ITPR1: variants seen among roughly 807,000 people sequenced by gnomAD.
ITPR1 encodes the protein inositol 1,4,5-trisphosphate-gated calcium channel ITPR1.
ITPR1 carries 96 observed loss-of-function variants against 318.4 expected under a neutral mutation model. The observed-to-expected ratio is 0.30, with a 90% CI of 0.26 to 0.36. The LOEUF is 0.36. Ranked by LOEUF, ITPR1 falls within the 10% of genes least tolerant of loss-of-function variation. The pLI, the probability that ITPR1 is intolerant of heterozygous loss-of-function variation, is 1.00. For synonymous variants in ITPR1, 1,312 were observed against 1,289.9 expected (o/e 1.02, Z -0.37); for missense variants, 2,440 against 3,460.2 (o/e 0.71, Z 7.40).
At chr3:4,525,254 A>G (rs925348141) in intron 4 of ITPR1, among the ~76,000 whole-genome samples, 8 of 152,176 alleles carry the variant, frequency 5.3e-5, no homozygotes, top group African/African-American at 1.7e-4. Context: ...TTCCATCCTT[A>G]TCAAGATAAT....
intron 4 of ITPR1, among the ~76,000 whole-genome samples, chr3:4,618,671 A>C (rs1363260992): frequency 6.6e-6 from 1 of 152,034 alleles, no homozygotes; most frequent in East Asian, 1.9e-4. Context: ...CATGTTTTCC[A>C]TGTGCCGGAT....
chr3:4,686,486 C>T (rs2094396959), intron 30 of ITPR1, among the ~76,000 whole-genome samples: 2 of 152,290 alleles, frequency 1.3e-5, no homozygotes, highest in South Asian at 4.1e-4. Flanking sequence ...GCGAGGGGGT[C>T]ATTTGCTAAC....
chr3:4,750,014 T>C (rs1397705542), intron 44 of ITPR1: 1 of 152,678 alleles, frequency 6.5e-6, no homozygotes, highest in Admixed American at 6.5e-5. Context: ...ATCGTGCCTG[T>C]TAAGGAACAA....
At chr3:4,678,890 G>A (rs1242850593) in intron 24 of ITPR1, among the ~76,000 whole-genome samples, 1 of 152,134 alleles carries the variant, frequency 6.6e-6, no homozygotes, top group Non-Finnish European at 1.5e-5. Context: ...AGTTTGGAAA[G>A]GAGGACCAAG....
rs145319823 is a variant in ITPR1, at chr3:4,672,534, A to T, written c.2205-602A>T. Among the ~76,000 whole-genome samples, 1,177 of 152,340 alleles carry T rather than the reference A, an allele frequency of 7.7e-3. 15 individuals are homozygous for T. Among genetic ancestry groups the T allele is most frequent in the African/African-American group, 0.027 (1,103 of 41,568 alleles). On this transcript the variant is annotated intron_variant, in intron 20 of 61. Transcript: ENST00000649015. The stretch of plus-strand genomic sequence containing the variant: ...TTCAGTGTTTGATGAATCTTCTCCC[A>T]AGTGAATGAGAAAGAGTGCCTTAAT...
chr3:4,678,689 G>A (rs1384443492), intron 24 of ITPR1, among the ~76,000 whole-genome samples: 1 of 152,204 alleles, frequency 6.6e-6, no homozygotes, highest in Non-Finnish European at 1.5e-5. Flanking sequence ...GTAAAGATCA[G>A]AGAAGGGTTG....
chr3:4,600,194 G>A (rs1252123391), intron 4 of ITPR1, among the ~76,000 whole-genome samples: 2 of 152,086 alleles, frequency 1.3e-5, no homozygotes, highest in African/African-American at 2.4e-5. Context: ...TACCTCTGTG[G>A]CATTGTTTCA....
At chr3:4,730,234 A>C (rs1234396997) in intron 42 of ITPR1, among the ~76,000 whole-genome samples, 1 of 150,396 alleles carries the variant, frequency 6.6e-6, no homozygotes, top group Non-Finnish European at 1.5e-5. Flanking sequence ...AAAAAAACAA[A>C]AAAAAACCTT....
intron 42 of ITPR1, among the ~76,000 whole-genome samples, chr3:4,732,207 A>G (rs1361153688): frequency 6.6e-6 from 1 of 152,174 alleles, no homozygotes; most frequent in Admixed American, 6.5e-5. Context: ...ATTACTGAAC[A>G]ATGGAGGTTT....
chr3:4,495,354 C>T lies in ITPR1; in HGVS notation c.-17+848C>T, dbSNP rs555777690. On this transcript the variant is annotated intron_variant, in intron 2 of 61. Coordinates refer to ENST00000649015, the MANE Select transcript of ITPR1 (RefSeq NM_001378452.1). ...TAACATTCTAAATATTTAGCTGTTC[C>T]CTGGGCTACAATCTTTGGGCTTTTC... 3.9e-5 allele frequency among the ~76,000 whole-genome samples: 6 copies of T among 152,152 alleles called. No homozygotes were observed. In the South Asian group the frequency reaches 1.0e-3, roughly 26 times the overall value.
At position 4,710,405 on chromosome 3, in the gene ITPR1, A is replaced by G. The variant is rs2041264646; in HGVS notation, c.4923A>G (p.Arg1641=). 1.3e-6 allele frequency: 2 copies of G among 1,558,788 alleles called. No individual in the cohort carries two copies. The highest frequency in any genetic ancestry group is 1.7e-6 in the Non-Finnish European group (2 of 1,150,510). Residue 1641 remains arginine (R), a synonymous_variant, in exon 38 of 62, where the codon AGA becomes AGG. Transcript: ENST00000649015. The surrounding 1 kb of genome is among the most constrained non-coding windows in gnomAD (Gnocchi z 4.2). ...CTGTGCTCGTGGATGTTCTCCACAG[A>G]CCCGAGCTGCTTTTCCCAGAGAACA... is the stretch of plus-strand genomic sequence containing the variant. ...ELSVLVDVLH[R]PELLFPENTD...
At chr3:4,579,982 G>A (rs546543163) in intron 4 of ITPR1, among the ~76,000 whole-genome samples, 1 of 152,258 alleles carries the variant, frequency 6.6e-6, no homozygotes, top group East Asian at 1.9e-4. Context: ...AGGCCGAGAC[G>A]GGTGGATCAC....
chr3:4,662,194 C>T lies in ITPR1; in HGVS notation c.1364C>T (p.Ser455Phe). 1 of 1,612,028 alleles carries T rather than the reference C, an allele frequency of 6.2e-7. No homozygotes were observed. Among genetic ancestry groups the T allele is most frequent in the Non-Finnish European group, 8.5e-7 (1 of 1,178,774 alleles). ...FANDASKVLG[S>F]IAGKLEKGTI... ...AATGATGCCAGCAAGGTGCTGGGCT[C>T]CATTGCTGGGAAGCTAGAGAAGGGC... Residue 455 changes from serine (S) to phenylalanine (F), a missense_variant, in exon 15 of 62, where the codon TCC becomes TTC. Physicochemically the swap from Ser to Phe is radical, Grantham distance 155. This residue lies in a region of ITPR1 where 478 missense variants were observed against 696.3 expected (regional missense o/e 0.69). Transcript: ENST00000649015.
intron 2 of ITPR1, among the ~76,000 whole-genome samples, chr3:4,504,909 C>T (rs931687898): frequency 1.3e-5 from 2 of 151,966 alleles, no homozygotes; most frequent in South Asian, 2.1e-4. Flanking sequence ...TCCTTGGCCT[C>T]TTGCCAGGAG....
rs777341213 is a variant in ITPR1 at position 4,691,356 on chromosome 3, A to T, written c.4029+12A>T. On this transcript the variant is annotated intron_variant, in intron 32 of 61. Coordinates refer to ENST00000649015, the MANE Select transcript of ITPR1 (RefSeq NM_001378452.1). ...TGGTTATGGCCGAGGTGATTGTTAT[A>T]TATTTCTGTATACCTCCATCTGGTG... The T allele has an allele frequency of 6.5e-7, 1 of 1,541,724 alleles. No individual in the cohort carries two copies. Among genetic ancestry groups the T allele is most frequent in the Non-Finnish European group, 9.0e-7 (1 of 1,115,898 alleles).
intron 40 of ITPR1, among the ~76,000 whole-genome samples, chr3:4,723,716 G>T (rs1359262042): frequency 6.6e-6 from 1 of 151,588 alleles, no homozygotes; most frequent in Non-Finnish European, 1.5e-5. Context: ...TGGCAAAGGG[G>T]TAAGAGGGTA....
In ITPR1 at chr3:4,673,178, A is replaced by G. The variant is rs368492569; in HGVS notation, c.2247A>G (p.Gln749=). The change falls in exon 21 of 62, where the codon CAA becomes CAG. Residue 749 remains glutamine, a synonymous_variant. Transcript: ENST00000649015. ...TTGCGAGGATGTGTCTGGACCGCCA[A>G]TACCTGGCCATCAACGAAATCTCAG... ...NLFARMCLDR[Q]YLAINEISGQ... 5.6e-6 allele frequency: 9 copies of G among 1,613,806 alleles called. No homozygotes were observed. The highest frequency in any genetic ancestry group is 2.2e-5 in the East Asian group (1 of 44,876).
intron 35 of ITPR1, among the ~76,000 whole-genome samples, chr3:4,700,332 A>C (rs2094627285): frequency 6.6e-6 from 1 of 152,210 alleles, no homozygotes; most frequent in African/African-American, 2.4e-5. Flanking sequence ...CATGAAGACA[A>C]AGTTATGCCT....
chr3:4,513,755 C>T (rs2081997590), intron 2 of ITPR1, among the ~76,000 whole-genome samples: 1 of 152,092 alleles, frequency 6.6e-6, no homozygotes, highest in African/African-American at 2.4e-5. Context: ...ACCTGTGTTC[C>T]CAGGATCACT....
Sources: allele counts gnomAD v4.1 joint callset (sites outside exome capture counted in the v4.1 genomes callset), GRCh38; gene constraint gnomAD v4.1.1; regional missense constraint gnomAD v4.1.1; non-coding constraint Gnocchi (gnomAD v3.1); transcripts MANE v1.5; gene names NCBI Gene and HGNC (gene_info 2026-07-23, HGNC 2026-07-21).